Variants in TENM4 observed in about 807,000 individuals in gnomAD.
The protein encoded by TENM4 is teneurin-4.
TENM4 carries 82 observed loss-of-function variants against 243.3 expected under a neutral mutation model. That is an observed-to-expected ratio of 0.34 (90% CI 0.28 to 0.40). The LOEUF (loss-of-function observed/expected upper bound fraction) is 0.40. TENM4 is among the 10% of genes least tolerant of loss of function. The pLI, the probability that TENM4 is intolerant of heterozygous loss-of-function variation, is 1.00. For synonymous variants in TENM4, 1,412 were observed against 1,456.3 expected (o/e 0.97, Z 0.69); for missense variants, 3,138 against 3,673.3 (o/e 0.85, Z 3.77).
chr11:79,349,167 A>G (rs1226728807), intron 1 of TENM4, among the ~76,000 whole-genome samples: 1 of 152,094 alleles, frequency 6.6e-6, no homozygotes, highest in Non-Finnish European at 1.5e-5. Flanking sequence ...CCTGACACTG[A>G]GCACACCCAC....
At chr11:78,892,263 C>T (rs1164945588) in intron 7 of TENM4, among the ~76,000 whole-genome samples, 1 of 152,192 alleles carries the variant, frequency 6.6e-6, no homozygotes, top group Non-Finnish European at 1.5e-5. Context: ...AGCCTGTCTC[C>T]TGATCTTTTC....
intron 3 of TENM4, among the ~76,000 whole-genome samples, chr11:79,154,345 C>T (rs993037531): frequency 1.3e-5 from 2 of 151,986 alleles, no homozygotes; most frequent in Admixed American, 6.6e-5. Context: ...CACATAAACT[C>T]ATAGAGTGAG....
chr11:78,903,466 G>A lies in TENM4; in HGVS notation c.551C>T (p.Ser184Leu), dbSNP rs954719188. The A allele has an allele frequency of 6.5e-6, 10 of 1,548,664 alleles. No homozygotes were observed. The South Asian group carries it at 9.5e-5, about 15-fold the overall frequency. Reference protein sequence around the residue: ...ARLRTPPPPLSHAHTPNQHHA... With the variant: ...ARLRTPPPPLLHAHTPNQHHA... ...GTGCTGGTTGGGGGTGTGGGCGTGC[G>A]AGAGCGGCGGCGGCGGCGTCCGGAG... Residue 184 changes from serine (S) to leucine (L), a missense_variant, in exon 7 of 34, where the codon TCG becomes TTG. This residue lies in a region of TENM4 where 671 missense variants were observed against 614.1 expected (regional missense o/e 1.09). Transcript: ENST00000278550.
At chr11:78,696,102 T>C (rs1858955312) in intron 28 of TENM4, among the ~76,000 whole-genome samples, 1 of 152,140 alleles carries the variant, frequency 6.6e-6, no homozygotes. Context: ...CTCTGTATTT[T>C]AGTTTGGGTA....
At chr11:79,279,736 T>G (rs1856122309) in intron 2 of TENM4, among the ~76,000 whole-genome samples, 2 of 152,198 alleles carry the variant, frequency 1.3e-5, no homozygotes, top group African/African-American at 4.8e-5. Context: ...AAACTTTCCC[T>G]CTGCGTACTT....
intron 4 of TENM4, among the ~76,000 whole-genome samples, chr11:79,099,621 C>T (rs1861171515): frequency 1.3e-5 from 2 of 152,170 alleles, no homozygotes; most frequent in Non-Finnish European, 2.9e-5. Context: ...AGTAGAGCTT[C>T]TCAGGGATTG....
chr11:78,669,605 C>T lies in TENM4; in HGVS notation c.6740G>A (p.Arg2247Gln), dbSNP rs370470074. The change falls in exon 32 of 34, where the codon CGG (arginine) becomes CAG (glutamine). Residue 2247 changes from arginine (R) to glutamine (Q), a missense_variant. Arg to Gln is a conservative substitution (Grantham distance 43). This residue lies in a region of TENM4 where 2,467 missense variants were observed against 3,059.1 expected (regional missense o/e 0.81). Coordinates refer to ENST00000278550, the MANE Select transcript of TENM4 (RefSeq NM_001098816.3). The surrounding 1 kb of genome is among the most constrained non-coding windows in gnomAD (Gnocchi z 6.4). Reference sequence around the variant, plus strand: ...CATCTTGTATTGCACGTCACCCAGCCGAGTGATGCGGTCGCGGATGTCATA... The same window carrying T: ...CATCTTGTATTGCACGTCACCCAGCTGAGTGATGCGGTCGCGGATGTCATA... ...LRYDIRDRIT[R>Q]LGDVQYKMDE... 2.8e-5 allele frequency: 45 copies of T among 1,613,788 alleles called. No individual in the cohort carries two copies. Among genetic ancestry groups the T allele is most frequent in the Middle Eastern group, 1.6e-4 (1 of 6,084 alleles).
intron 1 of TENM4, among the ~76,000 whole-genome samples, chr11:79,418,490 A>AT (rs1858865186): frequency 6.6e-6 from 1 of 152,244 alleles, no homozygotes; most frequent in African/African-American, 2.4e-5. Flanking sequence ...CTAAACGCCA[A>AT]TTCTGGCTCT....
At chr11:78,704,024 C>CACACAT (rs1555067556) in intron 27 of TENM4, among the ~76,000 whole-genome samples, 13 of 128,968 alleles carry the variant, frequency 1.0e-4, no homozygotes, top group African/African-American at 3.3e-4. Flanking sequence ...CACACACACA[C>CACACAT]ATATATATAT....
chr11:78,668,323 TA>T (rs1565322243), intron 32 of TENM4, among the ~76,000 whole-genome samples: 1 of 152,208 alleles, frequency 6.6e-6, no homozygotes, highest in Non-Finnish European at 1.5e-5. Flanking sequence ...GGGTTTATAA[TA>T]CACATATTTA....
intron 12 of TENM4, among the ~76,000 whole-genome samples, chr11:78,834,426 C>A (rs575752089): frequency 6.6e-6 from 1 of 152,070 alleles, no homozygotes; most frequent in South Asian, 2.1e-4. Context: ...TCTGATGATC[C>A]TCTGTTCATA....
intron 6 of TENM4, among the ~76,000 whole-genome samples, chr11:78,957,230 C>G (rs1413918081): frequency 6.6e-6 from 1 of 152,092 alleles, no homozygotes; most frequent in Non-Finnish European, 1.5e-5. Flanking sequence ...TTGCTGAAAA[C>G]TTTACCTACC....
chr11:79,362,880 T>C (rs1425486687), intron 1 of TENM4, among the ~76,000 whole-genome samples: 1 of 152,236 alleles, frequency 6.6e-6, no homozygotes, highest in Non-Finnish European at 1.5e-5. Flanking sequence ...CCGTTATTTT[T>C]AGACTGATTT....
At chr11:79,244,252 G>A (rs1242296965) in intron 2 of TENM4, among the ~76,000 whole-genome samples, 1 of 152,186 alleles carries the variant, frequency 6.6e-6, no homozygotes, top group Non-Finnish European at 1.5e-5. Context: ...CTACTAGACT[G>A]TGGCTCCACC....
intron 2 of TENM4, among the ~76,000 whole-genome samples, chr11:79,236,278 C>A (rs996286933): frequency 6.6e-6 from 1 of 152,216 alleles, no homozygotes; most frequent in African/African-American, 2.4e-5. Flanking sequence ...TTGTGGAAAT[C>A]CTTCGGATGC....
At chr11:79,097,226 T>C (rs1252661940) in intron 4 of TENM4, 1 of 152,186 alleles carries the variant, frequency 6.6e-6, no homozygotes, top group East Asian at 1.9e-4. Context: ...CCACTCCCTT[T>C]CCCGGATTTG....
intron 6 of TENM4, among the ~76,000 whole-genome samples, chr11:79,056,104 G>A (rs1859936482): frequency 6.6e-6 from 1 of 152,132 alleles, no homozygotes; most frequent in Non-Finnish European, 1.5e-5. Context: ...CACTCTTCTT[G>A]GACAAAGCTG....
chr11:78,804,772 G>C (rs1483061160), intron 15 of TENM4, among the ~76,000 whole-genome samples: 1 of 152,140 alleles, frequency 6.6e-6, no homozygotes, highest in African/African-American at 2.4e-5. Context: ...AGACATGTTT[G>C]CTACCCTCAT....
chr11:78,745,917 T>C (rs998077280), intron 19 of TENM4, among the ~76,000 whole-genome samples: 2 of 152,228 alleles, frequency 1.3e-5, no homozygotes, highest in Non-Finnish European at 2.9e-5. Flanking sequence ...TATTTTCCAA[T>C]AGCCTTATGC....
Sources: allele counts gnomAD v4.1 joint callset (sites outside exome capture counted in the v4.1 genomes callset), GRCh38; gene constraint gnomAD v4.1.1; regional missense constraint gnomAD v4.1.1; non-coding constraint Gnocchi (gnomAD v3.1); transcripts MANE v1.5; gene names NCBI Gene and HGNC (gene_info 2026-07-23, HGNC 2026-07-21).